PRUNE2: variants seen among roughly 807,000 people sequenced by gnomAD.
PRUNE2 encodes the protein prune homolog 2 with BCH domain, also known as protein prune homolog 2.
Under a neutral mutation model 252.0 loss-of-function variants are expected in PRUNE2, and 164 were observed. The ratio of observed to expected loss-of-function variants is 0.65; its 90% CI spans 0.57 to 0.74. PRUNE2 has a LOEUF of 0.74. PRUNE2 is among the 30% of genes least tolerant of loss of function. The pLI is 0.00. For missense variants in PRUNE2, 3,495 were observed against 3,711.0 expected (o/e 0.94, Z 1.51); for synonymous variants, 1,292 against 1,350.2 (o/e 0.96, Z 0.94).
At chr9:76,725,499 G>A (rs1352311458) in intron 6 of PRUNE2, among the ~76,000 whole-genome samples, 1 of 152,108 alleles carries the variant, frequency 6.6e-6, no homozygotes, top group Non-Finnish European at 1.5e-5. Flanking sequence ...AAGCTTAAGT[G>A]GGGAATATGG....
At chr9:76,702,756 C>G (rs1168688606) in intron 9 of PRUNE2, among the ~76,000 whole-genome samples, 2 of 152,128 alleles carry the variant, frequency 1.3e-5, no homozygotes, top group Non-Finnish European at 2.9e-5. Flanking sequence ...TACATAAAAC[C>G]AGAAAATGCC....
chr9:76,854,300 A>T, intron 1 of PRUNE2, 92 bp from the exon 2 acceptor site: 1 of 566,998 alleles, frequency 1.8e-6, no homozygotes, highest in East Asian at 3.0e-5. Context: ...TGCCTTATCC[A>T]TATTGATACA....
chr9:76,700,729 T>G (rs1335329971), intron 9 of PRUNE2, among the ~76,000 whole-genome samples: 1 of 152,234 alleles, frequency 6.6e-6, no homozygotes, highest in African/African-American at 2.4e-5. Flanking sequence ...TCATGGGCCC[T>G]GGGCACTCTG....
intron 6 of PRUNE2, among the ~76,000 whole-genome samples, chr9:76,811,967 T>C (rs1010992761): frequency 1.2e-4 from 19 of 152,090 alleles, no homozygotes; most frequent in Non-Finnish European, 4.4e-5. Flanking sequence ...CATGTGGACA[T>C]ACGGAAGAGG....
intron 12 of PRUNE2, 83 bp from the exon 13 acceptor site, chr9:76,638,371 C>T: frequency 1.1e-6 from 1 of 917,008 alleles, no homozygotes; most frequent in African/African-American, 1.6e-5. Context: ...AAATATGAAG[C>T]CTTGGCAAGT....
At chr9:76,637,370 T>C (rs1409555580) in intron 14 of PRUNE2, 48 bp downstream of exon 14, 12 of 1,595,344 alleles carry the variant, frequency 7.5e-6, no homozygotes, top group Non-Finnish European at 9.4e-6. Context: ...TGTTTAGTCT[T>C]CAGTTTACCA....
intron 1 of PRUNE2, among the ~76,000 whole-genome samples, chr9:76,861,518 T>C (rs1043931477): frequency 6.6e-6 from 1 of 152,172 alleles, no homozygotes; most frequent in Admixed American, 6.5e-5. Context: ...CCATTGTGGG[T>C]AGGCGATGGG....
intron 6 of PRUNE2, among the ~76,000 whole-genome samples, chr9:76,765,537 C>T (rs560725829): frequency 4.6e-5 from 7 of 152,256 alleles, no homozygotes; most frequent in African/African-American, 1.7e-4. Context: ...TAGCAATTAG[C>T]ACACTGTCTG....
chr9:76,750,655 G>T (rs570950500), intron 6 of PRUNE2, among the ~76,000 whole-genome samples: 1 of 152,212 alleles, frequency 6.6e-6, no homozygotes, highest in East Asian at 1.9e-4. Flanking sequence ...AGAGTCCATG[G>T]GCTAGTCTTG....
At position 76,708,092 on chromosome 9, in the gene PRUNE2, G is replaced by A. The variant is rs369401581; in HGVS notation, c.4182C>T (p.Thr1394=). ...ACTCTAAAACTTCCTCTGGTTCCTC[G>A]GTTTGAGGACTGAAAGTGACAGCAA... ...SSLAVTFSPQ[T]EEPEEVLEYE... Residue 1394 remains threonine (T), a synonymous_variant, in exon 8 of 19, where the codon ACC becomes ACT. Coordinates refer to ENST00000376718, the MANE Select transcript of PRUNE2 (RefSeq NM_015225.3). 33 of 1,613,872 alleles carry A rather than the reference G, an allele frequency of 2.0e-5. No individual in the cohort carries two copies. The highest frequency in any genetic ancestry group is 1.1e-4 in the South Asian group (10 of 91,074).
At chr9:76,777,721 G>A (rs540388572) in intron 6 of PRUNE2, among the ~76,000 whole-genome samples, 174 of 152,320 alleles carry the variant, frequency 1.1e-3, no homozygotes, top group African/African-American at 4.0e-3. Flanking sequence ...GGGCAGTGCA[G>A]AAAAATCAAA....
intron 9 of PRUNE2, among the ~76,000 whole-genome samples, chr9:76,690,694 A>C (rs538299821): frequency 5.9e-5 from 9 of 152,322 alleles, no homozygotes; most frequent in African/African-American, 2.2e-4. Context: ...CTGGCTCACT[A>C]TCCTCAAGTA....
intron 6 of PRUNE2, among the ~76,000 whole-genome samples, chr9:76,747,889 G>A (rs59010355): frequency 0.58 from 87,418 of 151,372 alleles, 25,649 homozygotes; most frequent in East Asian, 0.83. Context: ...TCCGTCTCCC[G>A]GGTTCAAGCA....
At chr9:76,698,797 G>A (rs2045625327) in intron 9 of PRUNE2, among the ~76,000 whole-genome samples, 1 of 152,122 alleles carries the variant, frequency 6.6e-6, no homozygotes, top group South Asian at 2.1e-4. Flanking sequence ...TTTCTACAAT[G>A]TTATCAGACA....
chr9:76,693,093 A>G (rs1309400188), intron 9 of PRUNE2: 1 of 152,156 alleles, frequency 6.6e-6, no homozygotes, highest in Non-Finnish European at 1.5e-5. Flanking sequence ...TAATTCTAAA[A>G]ATGCCAGCAG....
intron 9 of PRUNE2, among the ~76,000 whole-genome samples, chr9:76,680,072 T>C (rs12352019): frequency 0.015 from 2,227 of 152,210 alleles, 47 homozygotes; most frequent in African/African-American, 0.05. Flanking sequence ...AGGCAACCTA[T>C]GGAATGAGAG....
chr9:76,827,279 C>T (rs920135129), intron 4 of PRUNE2, among the ~76,000 whole-genome samples: 1 of 152,174 alleles, frequency 6.6e-6, no homozygotes, highest in Non-Finnish European at 1.5e-5. Flanking sequence ...TCCCAAGCAT[C>T]ATACACAGTT....
At chr9:76,860,590 G>C (rs1457207941) in intron 1 of PRUNE2, among the ~76,000 whole-genome samples, 1 of 152,164 alleles carries the variant, frequency 6.6e-6, no homozygotes, top group Non-Finnish European at 1.5e-5. Flanking sequence ...CAATACTCAT[G>C]CTCAAATATC....
chr9:76,719,752 G>C (rs760783979), intron 6 of PRUNE2, among the ~76,000 whole-genome samples: 1 of 151,804 alleles, frequency 6.6e-6, no homozygotes, highest in Non-Finnish European at 1.5e-5. Flanking sequence ...GGCTCAAGCT[G>C]TTCTCCCACT....
Sources: allele counts gnomAD v4.1 joint callset (sites outside exome capture counted in the v4.1 genomes callset), GRCh38; gene constraint gnomAD v4.1.1; transcripts MANE v1.5; gene names NCBI Gene and HGNC (gene_info 2026-07-23, HGNC 2026-07-21).